PPIG: variants seen among roughly 807,000 people sequenced by gnomAD.
The protein encoded by PPIG is peptidylprolyl isomerase G.
A neutral mutation model predicts 87.9 loss-of-function variants in PPIG; 26 were observed. The observed-to-expected ratio is 0.30, with a 90% CI of 0.22 to 0.41. PPIG has a LOEUF of 0.41. PPIG is among the 10% of genes least tolerant of loss of function. PPIG has a pLI of 1.00. For synonymous variants in PPIG, 308 were observed against 276.5 expected (o/e 1.11, Z -1.13); for missense variants, 722 against 879.4 (o/e 0.82, Z 2.26).
chr2:169,627,123 G>C (rs1311578689), intron 9 of PPIG, among the ~76,000 whole-genome samples: 1 of 152,100 alleles, frequency 6.6e-6, no homozygotes, highest in African/African-American at 2.4e-5. Flanking sequence ...CTTTGAGGAG[G>C]AGTCTTGCTT....
rs754404726 is a variant in PPIG, at chr2:169,630,755, CTT to C, written c.548-15_548-14del. 6.4e-7 allele frequency: 1 copy of C among 1,572,492 alleles called. No homozygotes were observed. The highest frequency in any genetic ancestry group is 8.6e-7 in the Non-Finnish European group (1 of 1,161,422). On this transcript the variant is annotated splice_polypyrimidine_tract_variant and intron_variant, in intron 9 of 13. Transcript: ENST00000260970. The stretch of plus-strand genomic sequence containing the variant: ...TTGTCTAAAAATTGTTGATCAAAAC[CTT>C]TTTGTTTTTATTAAAGTTAAGAAAG...
chr2:169,600,568 C>G (rs529809214), intron 1 of PPIG, among the ~76,000 whole-genome samples: 1 of 152,120 alleles, frequency 6.6e-6, no homozygotes, highest in East Asian at 1.9e-4. Context: ...CTTTTTGGCA[C>G]TCAGAAAATT....
chr2:169,624,164 G>C (rs1685824623), intron 9 of PPIG, among the ~76,000 whole-genome samples: 1 of 152,018 alleles, frequency 6.6e-6, no homozygotes, highest in Non-Finnish European at 1.5e-5. Context: ...ACAAGGTCTC[G>C]CTATGTTGCC....
intron 9 of PPIG, among the ~76,000 whole-genome samples, chr2:169,620,151 A>G (rs1358387184): frequency 6.6e-6 from 1 of 152,044 alleles, no homozygotes; most frequent in Non-Finnish European, 1.5e-5. Context: ...CAGAAAAATC[A>G]TTGCCCAAAC....
intron 1 of PPIG, among the ~76,000 whole-genome samples, chr2:169,601,364 G>A (rs1025941726): frequency 1.3e-5 from 2 of 152,170 alleles, no homozygotes; most frequent in Non-Finnish European, 2.9e-5. Flanking sequence ...GAATAAGACT[G>A]AAAATTCAGG....
chr2:169,603,913 A>C (rs915450308), intron 2 of PPIG, 113 bp from the exon 3 acceptor site: 10 of 791,674 alleles, frequency 1.3e-5, no homozygotes, highest in East Asian at 2.7e-5. Context: ...ATAAATATCA[A>C]AATAAATTCA....
At chr2:169,606,646 A>C (rs79034995) in intron 5 of PPIG, among the ~76,000 whole-genome samples, 3 of 149,520 alleles carry the variant, frequency 2.0e-5, no homozygotes, top group Non-Finnish European at 4.4e-5. Context: ...CCTTTGACAC[A>C]TGAATTTCAG....
chr2:169,588,687 T>C (rs1559172409), intron 1 of PPIG, among the ~76,000 whole-genome samples: 1 of 151,796 alleles, frequency 6.6e-6, no homozygotes, highest in Non-Finnish European at 1.5e-5. Flanking sequence ...TCAGGCGGAG[T>C]GCAGTGGCTC....
intron 1 of PPIG, among the ~76,000 whole-genome samples, chr2:169,589,596 G>A (rs1406743786): frequency 2.0e-5 from 3 of 152,080 alleles, no homozygotes; most frequent in Non-Finnish European, 4.4e-5. Context: ...AAATTTAGCA[G>A]ATAAGAATAA....
chr2:169,603,527 TA>T lies in PPIG; in HGVS notation c.-69-114del, dbSNP rs1685242340. On this transcript the variant is annotated intron_variant, in intron 1 of 13. Transcript: ENST00000260970. ...GTTAAATAGTATATTAACTATATACTATTTAACAATAGTTAAATAGTATATT... is the reference window on the plus strand; with the variant it reads ...GTTAAATAGTATATTAACTATATACTTTTAACAATAGTTAAATAGTATATT... 5 of 148,278 alleles carry T rather than the reference TA, an allele frequency of 3.4e-5. No individual in the cohort carries two copies. In the Admixed American group the frequency reaches 3.4e-4, roughly 10 times the overall value. 9.2% of individuals were successfully genotyped at this position (148,278 alleles called of 1,614,324 possible).
At chr2:169,595,601 A>G (rs1400926490) in intron 1 of PPIG, among the ~76,000 whole-genome samples, 1 of 152,104 alleles carries the variant, frequency 6.6e-6, no homozygotes, top group East Asian at 1.9e-4. Flanking sequence ...CTACTCTCTT[A>G]TCTCCAAGAG....
chr2:169,634,351 C>T (rs554037099), intron 12 of PPIG, among the ~76,000 whole-genome samples: 12 of 152,248 alleles, frequency 7.9e-5, no homozygotes, highest in African/African-American at 1.2e-4. Context: ...CGTGAGCCAC[C>T]GTGTCCACCC....
chr2:169,597,101 T>G (rs913947977), intron 1 of PPIG, among the ~76,000 whole-genome samples: 1 of 152,152 alleles, frequency 6.6e-6, no homozygotes, highest in Non-Finnish European at 1.5e-5. Flanking sequence ...AGTGAAGATA[T>G]CTCCTTGATA....
At chr2:169,612,241 T>TG (rs1396876077) in intron 7 of PPIG, among the ~76,000 whole-genome samples, 8 of 152,208 alleles carry the variant, frequency 5.3e-5, no homozygotes, top group Non-Finnish European at 1.0e-4. Context: ...CCCCAATCCC[T>TG]GGTAACCTCT....
chr2:169,586,171 A>G (rs1451560717), intron 1 of PPIG, among the ~76,000 whole-genome samples: 2 of 151,988 alleles, frequency 1.3e-5, no homozygotes, highest in Non-Finnish European at 2.9e-5. Flanking sequence ...CTATTTCTTT[A>G]TGATTCAGAA....
chr2:169,605,941 G>A (rs1265830224), intron 4 of PPIG, 98 bp from the exon 5 acceptor site: 2 of 762,054 alleles, frequency 2.6e-6, no homozygotes, highest in Non-Finnish European at 4.4e-6. Flanking sequence ...ATGATTTTAA[G>A]TCTGCAGGGT....
intron 9 of PPIG, among the ~76,000 whole-genome samples, chr2:169,629,057 C>A (rs1190375490): frequency 6.6e-6 from 1 of 151,278 alleles, no homozygotes; most frequent in African/African-American, 2.4e-5. Context: ...CAGCTGTTAA[C>A]CCTTTCAACT....
intron 1 of PPIG, chr2:169,584,815 TGGC>T (rs1684653547): frequency 3.4e-6 from 1 of 295,972 alleles, no homozygotes; most frequent in African/African-American, 2.3e-5. Context: ...AGCTGTAACA[TGGC>T]GGCAGCGACT....
chr2:169,584,966 T>A (rs901764698), intron 1 of PPIG: 2 of 174,966 alleles, frequency 1.1e-5, no homozygotes, highest in Admixed American at 6.3e-5. Context: ...GGTTGGAGAG[T>A]GACGGGCGAA....
Sources: allele counts gnomAD v4.1 joint callset (sites outside exome capture counted in the v4.1 genomes callset), GRCh38; gene constraint gnomAD v4.1.1; transcripts MANE v1.5; gene names NCBI Gene and HGNC (gene_info 2026-07-23, HGNC 2026-07-21).